The following PCTP variants were observed in gnomAD, a reference collection of about 807,000 sequenced individuals.
The protein encoded by PCTP is START domain-containing protein 2.
Under a neutral mutation model 31.0 loss-of-function variants are expected in PCTP, and 27 were observed. That is an observed-to-expected ratio of 0.87 (90% CI 0.64 to 1.20). PCTP has a LOEUF of 1.20. Among genes scored for constraint, PCTP ranks in the 50% most tolerant of loss-of-function variants. The probability of loss-of-function intolerance (pLI) is 0.00; values close to 1 mark genes in which losing one functional copy is unlikely to be tolerated. For synonymous variants in PCTP, 108 were observed against 101.2 expected (o/e 1.07, Z -0.40); for missense variants, 287 against 268.2 (o/e 1.07, Z -0.49).
intron 3 of PCTP, among the ~76,000 whole-genome samples, chr17:55,815,920 G>C (rs1912899763): frequency 6.6e-6 from 1 of 152,108 alleles, no homozygotes; most frequent in Admixed American, 6.6e-5. Flanking sequence ...GAGTGAAACA[G>C]TCCCCAAAGA....
intron 1 of PCTP, among the ~76,000 whole-genome samples, chr17:55,766,058 A>G (rs1910629647): frequency 6.6e-6 from 1 of 152,122 alleles, no homozygotes; most frequent in Admixed American, 6.6e-5. Context: ...CGCCCTTGCA[A>G]GGCATCATTT....
chr17:55,832,217 G>A (rs1905624973), intron 5 of PCTP, among the ~76,000 whole-genome samples: 1 of 152,220 alleles, frequency 6.6e-6, no homozygotes, highest in Admixed American at 6.5e-5. Flanking sequence ...CTCACTCTCA[G>A]GTGAGGATAT....
Position 55,775,215 on chromosome 17 carries a change from T to G in PCTP, c.579+356T>G, listed in dbSNP as rs887543960. On this transcript the variant is annotated intron_variant, in intron 5 of 5. Coordinates refer to ENST00000268896, the MANE Select transcript of PCTP (RefSeq NM_021213.4). ...CTGCTTACTGGGGAATAAGACAGAC[T>G]GACCTGGCTTGGAGACAACCAGATG... 13 of 1,269,276 alleles carry G rather than the reference T, an allele frequency of 1.0e-5. No homozygotes were observed. In the Admixed American group the frequency reaches 3.0e-4, roughly 30 times the overall value. The allele number at this position is 1,269,276 out of a possible 1,614,324, so 78.6% of individuals were successfully genotyped here.
chr17:55,797,943 C>G (rs986601289), intron 3 of PCTP, among the ~76,000 whole-genome samples: 4 of 151,808 alleles, frequency 2.6e-5, no homozygotes, highest in Non-Finnish European at 5.9e-5. Flanking sequence ...GATCCAGATA[C>G]TAAATTTATA....
chr17:55,813,712 TAG>T (rs1912825893), intron 3 of PCTP, among the ~76,000 whole-genome samples: 1 of 152,178 alleles, frequency 6.6e-6, no homozygotes, highest in Non-Finnish European at 1.5e-5. Context: ...AATCAGACAA[TAG>T]AGTGAGCATT....
intron 1 of PCTP, among the ~76,000 whole-genome samples, chr17:55,766,650 C>T (rs578166861): frequency 2.8e-4 from 42 of 152,164 alleles, no homozygotes; most frequent in African/African-American, 9.4e-4. Flanking sequence ...TTTTCTTAAT[C>T]CAGTCTATCA....
chr17:55,839,852 G>A (rs1051941582), intron 5 of PCTP, among the ~76,000 whole-genome samples: 30 of 143,904 alleles, frequency 2.1e-4, no homozygotes, highest in Non-Finnish European at 3.9e-4. Context: ...CCCGGGAGGC[G>A]GAGCTTGCAG....
At chr17:55,797,389 A>G (rs1912220090) in intron 3 of PCTP, among the ~76,000 whole-genome samples, 1 of 152,024 alleles carries the variant, frequency 6.6e-6, no homozygotes, top group African/African-American at 2.4e-5. Flanking sequence ...AAAAAAGCCA[A>G]GAGAAAGCAG....
intron 2 of PCTP, among the ~76,000 whole-genome samples, chr17:55,785,996 A>G (rs1911732916): frequency 6.6e-6 from 1 of 152,244 alleles, no homozygotes; most frequent in East Asian, 1.9e-4. Flanking sequence ...AAAATGCCAT[A>G]TGTGGGCTGG....
At chr17:55,818,118 A>G (rs556867883) in intron 3 of PCTP, among the ~76,000 whole-genome samples, 2 of 152,340 alleles carry the variant, frequency 1.3e-5, no homozygotes, top group South Asian at 2.1e-4. Flanking sequence ...TCTCAAAGTA[A>G]GAATAGAAGT....
intron 3 of PCTP, among the ~76,000 whole-genome samples, chr17:55,772,660 G>A (rs541559313): frequency 1.4e-4 from 21 of 151,624 alleles, no homozygotes; most frequent in African/African-American, 3.2e-4. Context: ...TGTGTTGTGC[G>A]TAGTGACTTT....
At chr17:55,840,115 A>G (rs1462590008) in intron 5 of PCTP, among the ~76,000 whole-genome samples, 1 of 152,118 alleles carries the variant, frequency 6.6e-6, no homozygotes, top group Non-Finnish European at 1.5e-5. Context: ...CAGTGGTCAT[A>G]TCTGAATTGC....
intron 1 of PCTP, among the ~76,000 whole-genome samples, chr17:55,760,138 C>T (rs937587668): frequency 6.6e-6 from 1 of 152,162 alleles, no homozygotes; most frequent in Non-Finnish European, 1.5e-5. Flanking sequence ...CTGTCTCCAG[C>T]CTCCATTTCT....
chr17:55,812,811 G>A (rs186287421), intron 3 of PCTP, among the ~76,000 whole-genome samples: 125 of 152,264 alleles, frequency 8.2e-4, no homozygotes, highest in Non-Finnish European at 9.3e-4. Context: ...AAGAAAATTC[G>A]GGTGCTTTGC....
At chr17:55,822,739 C>T (rs1598017957) in intron 3 of PCTP, 1 of 1,222,020 alleles carries the variant, frequency 8.2e-7, no homozygotes, top group Non-Finnish European at 1.0e-6. Flanking sequence ...TCATCCTTTG[C>T]TCTTTCCATT....
At position 55,774,796 on chromosome 17, in the gene PCTP, C is replaced by T; in HGVS notation, c.516C>T (p.Phe172=). The T allele has an allele frequency of 1.9e-6, 3 of 1,606,506 alleles. No homozygotes were observed. Among genetic ancestry groups the T allele is most frequent in the Non-Finnish European group, 2.6e-6 (3 of 1,176,018 alleles). Residue 172 remains phenylalanine, a synonymous_variant, in exon 5 of 6, where the codon TTC becomes TTT. Coordinates refer to ENST00000268896, the MANE Select transcript of PCTP (RefSeq NM_021213.4). ...ESDGKKGSKV[F]MYYFDNPGGQ... ...GTCCTTTCTTTCCCTCTCTAGTTTTCATGTATTACTTCGATAACCCGGGTG... is the reference window on the plus strand; with the variant it reads ...GTCCTTTCTTTCCCTCTCTAGTTTTTATGTATTACTTCGATAACCCGGGTG...
chr17:55,814,599 T>C (rs1912857754), intron 3 of PCTP, among the ~76,000 whole-genome samples: 2 of 152,192 alleles, frequency 1.3e-5, no homozygotes, highest in South Asian at 4.1e-4. Context: ...GGTAGCATCA[T>C]TGCGTTTGCC....
chr17:55,775,038 G>A (rs548148742), intron 5 of PCTP, among the ~76,000 whole-genome samples, 179 bp downstream of exon 5: 49 of 152,268 alleles, frequency 3.2e-4, no homozygotes, highest in African/African-American at 1.1e-3. Flanking sequence ...CATCCAAGAC[G>A]GAGGCTGGGA....
At chr17:55,814,062 A>G (rs1381222654) in intron 3 of PCTP, among the ~76,000 whole-genome samples, 2 of 152,118 alleles carry the variant, frequency 1.3e-5, no homozygotes, top group Non-Finnish European at 2.9e-5. Context: ...TCAAAAAAAA[A>G]AAAAAGAAAA....
Sources: allele counts gnomAD v4.1 joint callset (sites outside exome capture counted in the v4.1 genomes callset), GRCh38; gene constraint gnomAD v4.1.1; transcripts MANE v1.5; gene names NCBI Gene and HGNC (gene_info 2026-07-23, HGNC 2026-07-21).